SLC9B2: variants seen among roughly 807,000 people sequenced by gnomAD.
SLC9B2 encodes sodium/hydrogen exchanger 9B2.
Under a neutral mutation model 52.2 loss-of-function variants are expected in SLC9B2, and 39 were observed. The ratio of observed to expected loss-of-function variants is 0.75; its 90% confidence interval spans 0.58 to 0.98. The LOEUF is 0.98. Ranked by LOEUF, SLC9B2 falls within the 50% of genes least tolerant of loss-of-function variation. The probability of loss-of-function intolerance (pLI) is 0.00; values close to 1 mark genes in which losing one functional copy is unlikely to be tolerated. For missense variants in SLC9B2, 626 were observed against 637.5 expected (o/e 0.98, Z 0.19); for synonymous variants, 214 against 227.0 (o/e 0.94, Z 0.51).
chr4:103,042,546 T>C (rs1175706451), intron 9 of SLC9B2, among the ~76,000 whole-genome samples: 2 of 151,568 alleles, frequency 1.3e-5, no homozygotes, highest in Non-Finnish European at 3.0e-5. Flanking sequence ...AGTAATCATA[T>C]GAAAACATGA....
chr4:103,063,476 A>T (rs183637358), intron 3 of SLC9B2, among the ~76,000 whole-genome samples: 1 of 152,342 alleles, frequency 6.6e-6, no homozygotes, highest in Admixed American at 6.5e-5. Flanking sequence ...CAGTAAACAT[A>T]TGTGGGCATC....
chr4:103,074,756 C>T (rs1157989078), intron 1 of SLC9B2, among the ~76,000 whole-genome samples: 1 of 152,080 alleles, frequency 6.6e-6, no homozygotes, highest in African/African-American at 2.4e-5. Context: ...CAAATTTCCA[C>T]TCATGAAACA....
At position 103,022,954 on chromosome 4, in the gene SLC9B2, T is replaced by G. The variant is rs1741903685; in HGVS notation, c.*3416A>C. Reference sequence around the variant, plus strand: ...AGTGAGAGGGTGAGAATGTGGCCATTGGCAAGCCAGGGAGAGAGACTTCAC... The same window carrying G: ...AGTGAGAGGGTGAGAATGTGGCCATGGGCAAGCCAGGGAGAGAGACTTCAC... On this transcript the variant is annotated 3_prime_UTR_variant, in exon 12 of 12. Coordinates refer to ENST00000394785, the MANE Select transcript of SLC9B2 (RefSeq NM_178833.7). Among the ~76,000 whole-genome samples the G allele has an allele frequency of 1.3e-5, 2 of 152,214 alleles. No homozygotes were observed. The highest frequency in any genetic ancestry group is 4.8e-5 in the African/African-American group (2 of 41,454).
In SLC9B2 at chr4:103,025,743, A is replaced by T. The variant is rs1455888631; in HGVS notation, c.*627T>A. 6.6e-6 allele frequency: 1 copy of T among 152,232 alleles called. No individual in the cohort carries two copies. Among genetic ancestry groups the T allele is most frequent in the African/African-American group, 2.4e-5 (1 of 41,418 alleles). 9.4% of individuals were successfully genotyped at this position (152,232 alleles called of 1,614,324 possible). A position where few individuals can be genotyped will look rare whatever the true frequency, so the allele number is the denominator to read the frequency against. The stretch of plus-strand genomic sequence containing the variant: ...AATAAAGGAACCTGGGTGGTCAGCT[A>T]GGGGGCAGGATAAAGTTTTTTGACA... On this transcript the variant is annotated 3_prime_UTR_variant, in exon 12 of 12. Coordinates refer to ENST00000394785, the MANE Select transcript of SLC9B2 (RefSeq NM_178833.7).
intron 1 of SLC9B2, among the ~76,000 whole-genome samples, chr4:103,074,381 A>T (rs1263887185): frequency 1.3e-5 from 2 of 152,206 alleles, no homozygotes; most frequent in Non-Finnish European, 2.9e-5. Context: ...CATCCTAACC[A>T]ATATAACAGG....
intron 4 of SLC9B2, among the ~76,000 whole-genome samples, chr4:103,055,886 C>A (rs1745093077): frequency 6.6e-6 from 1 of 150,562 alleles, no homozygotes; most frequent in African/African-American, 2.5e-5. Flanking sequence ...TCACTGCATG[C>A]TCCACCTCCC....
At chr4:103,063,985 C>T (rs540366825) in intron 3 of SLC9B2, among the ~76,000 whole-genome samples, 5 of 152,080 alleles carry the variant, frequency 3.3e-5, no homozygotes, top group African/African-American at 1.2e-4. Flanking sequence ...ATCAAAAAGA[C>T]AAAAGATAAC....
intron 11 of SLC9B2, among the ~76,000 whole-genome samples, chr4:103,026,998 C>T (rs1032782344): frequency 1.3e-5 from 2 of 152,248 alleles, no homozygotes; most frequent in Admixed American, 1.3e-4. Flanking sequence ...CCTCCTTAGC[C>T]TCCCAAGTGC....
intron 9 of SLC9B2, among the ~76,000 whole-genome samples, chr4:103,036,316 A>G (rs1205103137): frequency 6.6e-6 from 1 of 152,224 alleles, no homozygotes; most frequent in African/African-American, 2.4e-5. Context: ...AGTGGGAGCT[A>G]AACAGTGAGT....
intron 4 of SLC9B2, among the ~76,000 whole-genome samples, chr4:103,051,064 CAT>C (rs904058053): frequency 6.6e-6 from 1 of 151,884 alleles, no homozygotes; most frequent in African/African-American, 2.4e-5. Context: ...GGGGATGTTA[CAT>C]GAGCTGAGGC....
At chr4:103,035,922 A>G (rs1449514326) in intron 9 of SLC9B2, among the ~76,000 whole-genome samples, 1 of 152,216 alleles carries the variant, frequency 6.6e-6, no homozygotes, top group Non-Finnish European at 1.5e-5. Context: ...GTACATATAC[A>G]CCATAGAATA....
chr4:103,053,700 A>G (rs932457442), intron 4 of SLC9B2, among the ~76,000 whole-genome samples: 8 of 151,236 alleles, frequency 5.3e-5, no homozygotes, highest in African/African-American at 1.9e-4. Flanking sequence ...CCTAGGCATC[A>G]GCTTTTTTTT....
intron 8 of SLC9B2, among the ~76,000 whole-genome samples, chr4:103,044,599 A>T (rs1743938978): frequency 6.6e-6 from 1 of 152,212 alleles, no homozygotes; most frequent in Non-Finnish European, 1.5e-5. Flanking sequence ...TTAGTTGAGT[A>T]TTATGAACAC....
chr4:103,041,774 G>T (rs1244326933), intron 9 of SLC9B2, among the ~76,000 whole-genome samples: 1 of 152,086 alleles, frequency 6.6e-6, no homozygotes, highest in Non-Finnish European at 1.5e-5. Context: ...TTGTACTACA[G>T]CATAGTACAA....
At position 103,024,929 on chromosome 4, in the gene SLC9B2, T is replaced by G. The variant is rs1742074060; in HGVS notation, c.*1441A>C. Among the ~76,000 whole-genome samples, 1 of 152,230 alleles carries G rather than the reference T, an allele frequency of 6.6e-6. No individual in the cohort carries two copies. Among genetic ancestry groups the G allele is most frequent in the African/African-American group, 2.4e-5 (1 of 41,468 alleles). ...GGCAAGTCACAATTTCTGAAATCCC[T>G]GCCATAGAAGTCACTCTTTTGGTTT... On this transcript the variant is annotated 3_prime_UTR_variant, in exon 12 of 12. Transcript: ENST00000394785.
In SLC9B2 at chr4:103,025,429, A is replaced by G. The variant is rs757472397; in HGVS notation, c.*941T>C. The G allele has an allele frequency of 1.3e-5, 2 of 152,224 alleles. No homozygotes were observed. Among genetic ancestry groups the G allele is most frequent in the African/African-American group, 4.8e-5 (2 of 41,466 alleles). The allele number at this position is 152,224 out of a possible 1,614,324, so 9.4% of individuals were successfully genotyped here. A position where few individuals can be genotyped will look rare whatever the true frequency, so the allele number is the denominator to read the frequency against. On this transcript the variant is annotated 3_prime_UTR_variant, in exon 12 of 12. Transcript: ENST00000394785. The stretch of plus-strand genomic sequence containing the variant: ...TGGCAGAGCTTCAGGACAGAAAGAC[A>G]TGGGACTCTGAGCAGACCTCATAAG...
intron 9 of SLC9B2, among the ~76,000 whole-genome samples, chr4:103,036,960 T>C (rs557875420): frequency 8.8e-4 from 134 of 152,236 alleles, no homozygotes; most frequent in Non-Finnish European, 1.7e-3. Context: ...GTTGTTTCCT[T>C]CCAACAATGA....
chr4:103,053,030 G>C (rs1418036821), intron 4 of SLC9B2, among the ~76,000 whole-genome samples: 2 of 152,044 alleles, frequency 1.3e-5, no homozygotes, highest in Non-Finnish European at 2.9e-5. Flanking sequence ...CCTGGATAGA[G>C]GAGTGTTGTT....
chr4:103,053,144 T>A (rs1192604329), intron 4 of SLC9B2, among the ~76,000 whole-genome samples: 1 of 152,218 alleles, frequency 6.6e-6, no homozygotes, highest in Non-Finnish European at 1.5e-5. Context: ...ATTTTTTCAA[T>A]AATGATTTTT....
Sources: gnomAD v4.1 joint callset for allele counts (sites outside exome capture counted in the v4.1 genomes callset) on GRCh38, gnomAD v4.1.1 for gene constraint, MANE v1.5 for transcripts, NCBI Gene and HGNC (gene_info 2026-07-23, HGNC 2026-07-21) for gene names.